Variants in SGCZ observed in about 807,000 individuals in gnomAD.
The protein encoded by SGCZ is sarcoglycan zeta, also known as zeta-sarcoglycan.
A neutral mutation model predicts 41.3 loss-of-function variants in SGCZ; 40 were observed. The observed-to-expected ratio is 0.97, with a 90% CI of 0.75 to 1.26. The LOEUF (loss-of-function observed/expected upper bound fraction) is 1.26, where lower values mean the gene tolerates loss of function less well. Among genes scored for constraint, SGCZ ranks in the 50% most tolerant of loss-of-function variants. The probability of loss-of-function intolerance (pLI) is 0.00; values close to 1 mark genes in which losing one functional copy is unlikely to be tolerated. For missense variants in SGCZ, 552 were observed against 369.8 expected (o/e 1.49, Z -4.04); for synonymous variants, 206 against 137.5 (o/e 1.50, Z -3.49).
intron 1 of SGCZ, among the ~76,000 whole-genome samples, chr8:14,809,164 G>A (rs569493661): frequency 7.0e-4 from 107 of 151,842 alleles, no homozygotes; most frequent in African/African-American, 2.5e-3. Flanking sequence ...ACACCAGCGT[G>A]GCACATGTAT....
At chr8:15,056,098 G>C (rs1293610359) in intron 1 of SGCZ, among the ~76,000 whole-genome samples, 1 of 152,212 alleles carries the variant, frequency 6.6e-6, no homozygotes, top group African/African-American at 2.4e-5. Flanking sequence ...TTCTTTAAAA[G>C]GCTTAGTTCT....
At chr8:14,633,330 G>A (rs112682183) in intron 1 of SGCZ, among the ~76,000 whole-genome samples, 89 of 151,994 alleles carry the variant, frequency 5.9e-4, no homozygotes, top group African/African-American at 2.1e-3. Flanking sequence ...TTAGCACTGT[G>A]ACTTCAGGGA....
At chr8:14,675,843 G>T (rs1000689384) in intron 1 of SGCZ, among the ~76,000 whole-genome samples, 1 of 152,158 alleles carries the variant, frequency 6.6e-6, no homozygotes, top group Admixed American at 6.5e-5. Flanking sequence ...AAACTGCTGT[G>T]CAGATTTGGG....
intron 2 of SGCZ, among the ~76,000 whole-genome samples, chr8:14,382,291 A>G (rs1246389653): frequency 1.3e-5 from 2 of 152,160 alleles, no homozygotes. Context: ...TTTACATCCT[A>G]GAGATTTCGG....
chr8:14,288,040 G>A (rs1800700153), intron 3 of SGCZ, among the ~76,000 whole-genome samples: 1 of 151,956 alleles, frequency 6.6e-6, no homozygotes, highest in Admixed American at 6.6e-5. Context: ...CTTTGGAAAG[G>A]AGAACTATTC....
chr8:15,223,488 T>G (rs985550313), intron 1 of SGCZ, among the ~76,000 whole-genome samples: 1 of 152,218 alleles, frequency 6.6e-6, no homozygotes, highest in Admixed American at 6.5e-5. Context: ...CAGTAACTTG[T>G]TACCATTTAC....
intron 4 of SGCZ, among the ~76,000 whole-genome samples, chr8:14,194,019 C>A (rs554465743): frequency 6.6e-6 from 1 of 151,294 alleles, no homozygotes; most frequent in Non-Finnish European, 1.5e-5. Flanking sequence ...CATGATGGGA[C>A]AATAGTTTTT....
At chr8:14,166,533 T>C (rs953801606) in intron 4 of SGCZ, among the ~76,000 whole-genome samples, 3 of 152,156 alleles carry the variant, frequency 2.0e-5, no homozygotes, top group Admixed American at 6.5e-5. Flanking sequence ...AAAGGTATTA[T>C]AGATATCTTA....
chr8:14,837,548 A>G (rs1802742075), intron 1 of SGCZ, among the ~76,000 whole-genome samples: 1 of 152,122 alleles, frequency 6.6e-6, no homozygotes, highest in Non-Finnish European at 1.5e-5. Context: ...TATATGTACA[A>G]TGGAGGCAAA....
intron 1 of SGCZ, among the ~76,000 whole-genome samples, chr8:15,065,793 T>A (rs1805117173): frequency 6.6e-6 from 1 of 152,108 alleles, no homozygotes; most frequent in Non-Finnish European, 1.5e-5. Flanking sequence ...TGTCTGGAGG[T>A]CACGATATCT....
intron 2 of SGCZ, among the ~76,000 whole-genome samples, chr8:14,539,646 G>T (rs1436953757): frequency 6.6e-6 from 1 of 151,892 alleles, no homozygotes; most frequent in East Asian, 1.9e-4. Context: ...TACCCTCCAG[G>T]TATTAAGCCT....
chr8:14,115,673 AT>A (rs899903531), intron 5 of SGCZ, among the ~76,000 whole-genome samples: 13 of 150,322 alleles, frequency 8.6e-5, no homozygotes, highest in African/African-American at 1.2e-4. Context: ...ATCTTTTTTA[AT>A]TTTTTTTTGT....
chr8:14,979,573 C>T (rs377692958), intron 1 of SGCZ, among the ~76,000 whole-genome samples: 6 of 152,158 alleles, frequency 3.9e-5, no homozygotes, highest in African/African-American at 1.2e-4. Context: ...GAAAACTTTA[C>T]TTGATGTAAA....
chr8:15,037,407 A>T lies in SGCZ; in HGVS notation c.39+200178T>A, dbSNP rs1380754829. On this transcript the variant is annotated intron_variant, in intron 1 of 7. Coordinates refer to ENST00000382080, the MANE Select transcript of SGCZ (RefSeq NM_139167.4). ...TTCTGAGGCCTCCCCAGCCCTGCAG[A>T]ACTGTTAGTCAATTAAACTTCTTTC... is the stretch of plus-strand genomic sequence containing the variant. Among the ~76,000 whole-genome samples, 4 of 152,184 alleles carry T rather than the reference A, an allele frequency of 2.6e-5. No individual in the cohort carries two copies. The South Asian group carries it at 8.3e-4, about 31-fold the overall frequency.
chr8:14,438,792 C>T (rs1237784141), intron 2 of SGCZ, among the ~76,000 whole-genome samples: 1 of 151,654 alleles, frequency 6.6e-6, no homozygotes, highest in African/African-American at 2.4e-5. Context: ...AATAGAAAAC[C>T]ATGATAATTT....
intron 1 of SGCZ, among the ~76,000 whole-genome samples, chr8:14,977,259 G>A (rs976871413): frequency 1.3e-5 from 2 of 152,058 alleles, no homozygotes; most frequent in Admixed American, 1.3e-4. Flanking sequence ...TCTCTTTACC[G>A]GTGAGAACTC....
intron 1 of SGCZ, among the ~76,000 whole-genome samples, chr8:14,811,490 A>G (rs1188900187): frequency 6.9e-6 from 1 of 145,070 alleles, no homozygotes; most frequent in African/African-American, 2.6e-5. Flanking sequence ...CTTGCCTACC[A>G]TGAAACATTC....
At chr8:14,335,571 G>T (rs571783710) in intron 2 of SGCZ, among the ~76,000 whole-genome samples, 1 of 152,042 alleles carries the variant, frequency 6.6e-6, no homozygotes, top group African/African-American at 2.4e-5. Context: ...TTTATCAGCT[G>T]TCACAGACAG....
At chr8:15,124,180 A>G (rs971473953) in intron 1 of SGCZ, among the ~76,000 whole-genome samples, 2 of 152,234 alleles carry the variant, frequency 1.3e-5, no homozygotes, top group Admixed American at 6.5e-5. Context: ...CAGTTAGAAG[A>G]CTACTGTAGT....
Sources: gnomAD v4.1 joint callset for allele counts (sites outside exome capture counted in the v4.1 genomes callset) on GRCh38, gnomAD v4.1.1 for gene constraint, MANE v1.5 for transcripts, NCBI Gene and HGNC (gene_info 2026-07-23, HGNC 2026-07-21) for gene names.